LPO: variants seen among roughly 807,000 people sequenced by gnomAD.
LPO encodes the protein lactoperoxidase.
LPO carries 70 observed loss-of-function variants against 68.4 expected under a neutral mutation model. The ratio of observed to expected loss-of-function variants is 1.02; its 90% CI spans 0.84 to 1.25. The LOEUF (loss-of-function observed/expected upper bound fraction) is 1.25, where lower values mean the gene tolerates loss of function less well. Among genes scored for constraint, LPO ranks in the 50% most tolerant of loss-of-function variants. The pLI is 0.00. For missense variants in LPO, 873 were observed against 908.4 expected (o/e 0.96, Z 0.50); for synonymous variants, 360 against 357.6 (o/e 1.01, Z -0.08).
intron 5 of LPO, 119 bp downstream of exon 5, chr17:58,249,296 C>T (rs1969911280): frequency 6.2e-6 from 6 of 963,946 alleles, no homozygotes; most frequent in Non-Finnish European, 9.2e-6. Context: ...CCTGGGCTGG[C>T]GTTCCCACCT....
intron 11 of LPO, among the ~76,000 whole-genome samples, chr17:58,266,602 A>T (rs1356663850): frequency 6.6e-6 from 1 of 152,052 alleles, no homozygotes; most frequent in Non-Finnish European, 1.5e-5. Flanking sequence ...GTGGGACTAC[A>T]GGTGTGCCAC....
At chr17:58,239,950 G>A (rs1969723194) in intron 1 of LPO, among the ~76,000 whole-genome samples, 1 of 152,148 alleles carries the variant, frequency 6.6e-6, no homozygotes, top group South Asian at 2.1e-4. Context: ...CATTCAGCAT[G>A]CACCCAACAC....
intron 1 of LPO, among the ~76,000 whole-genome samples, chr17:58,241,742 C>T (rs1005752891): frequency 1.3e-5 from 2 of 151,992 alleles, no homozygotes; most frequent in Non-Finnish European, 2.9e-5. Context: ...AAAAGTACAA[C>T]AAGATACAAA....
chr17:58,243,300 G>T, intron 2 of LPO: 1 of 482,980 alleles, frequency 2.1e-6, no homozygotes, highest in South Asian at 2.4e-5. Flanking sequence ...TCCAATCTCT[G>T]CCTCAGTCTT....
intron 6 of LPO, among the ~76,000 whole-genome samples, chr17:58,249,917 G>A (rs1969926740): frequency 6.6e-6 from 1 of 152,318 alleles, no homozygotes; most frequent in East Asian, 1.9e-4. Flanking sequence ...CAGATACCCT[G>A]GGGTCTCCCG....
At chr17:58,265,787 G>A (rs1970252189) in intron 10 of LPO, among the ~76,000 whole-genome samples, 1 of 151,652 alleles carries the variant, frequency 6.6e-6, no homozygotes, top group South Asian at 2.1e-4. Flanking sequence ...GTTTTGCCAT[G>A]TTGTCCAGGC....
At chr17:58,247,175 A>G (rs940848543) in intron 3 of LPO, among the ~76,000 whole-genome samples, 1 of 152,336 alleles carries the variant, frequency 6.6e-6, no homozygotes, top group Admixed American at 6.5e-5. Context: ...AGCAGTGTCC[A>G]AGATAACTTT....
rs1970234375 is a variant in LPO, at chr17:58,264,927, T to TC, written c.1477dup (p.Leu493ProfsTer18). 1 of 1,613,870 alleles carries TC rather than the reference T, an allele frequency of 6.2e-7. No homozygotes were observed. Among genetic ancestry groups the TC allele is most frequent in the Non-Finnish European group, 8.5e-7 (1 of 1,180,002 alleles). ...CAGCCATGGGGGCCAGAACCAGAAC[T>TC]CCCCCTCCACACCCTCTTCTTCAAC... On this transcript the variant is annotated frameshift_variant, in exon 10 of 13. Transcript: ENST00000262290. LOFTEE classifies it high-confidence loss of function.
chr17:58,257,172 G>A (rs1035085395), intron 9 of LPO, among the ~76,000 whole-genome samples: 1 of 151,450 alleles, frequency 6.6e-6, no homozygotes, highest in African/African-American at 2.4e-5. Context: ...GACCTTAAGC[G>A]GTCCACCCAC....
Position 58,268,104 on chromosome 17 carries a change from G to A in LPO, c.*110G>A. On this transcript the variant is annotated 3_prime_UTR_variant, in exon 13 of 13. Transcript: ENST00000262290. ...ATCCCAGTCCCAGCCCTTCTTTGCA[G>A]CTGGGCCTCTCTATACCCCTGGATG... is the stretch of plus-strand genomic sequence containing the variant. 8.5e-7 allele frequency: 1 copy of A among 1,171,350 alleles called. No homozygotes were observed. The highest frequency in any genetic ancestry group is 1.5e-5 in the African/African-American group (1 of 65,632). The allele number at this position is 1,171,350 out of a possible 1,614,324, so 72.6% of individuals were successfully genotyped here.
chr17:58,243,358 C>A (rs1969793972), intron 2 of LPO: 1 of 347,268 alleles, frequency 2.9e-6, no homozygotes, highest in Non-Finnish European at 5.3e-6. Context: ...CATAAAACCA[C>A]CATTTATTGG....
chr17:58,246,996 A>G (rs1035818576), intron 3 of LPO, among the ~76,000 whole-genome samples: 2 of 152,220 alleles, frequency 1.3e-5, no homozygotes, highest in South Asian at 2.1e-4. Context: ...TCAGGAGCCA[A>G]TCCCAGTCAG....
Position 58,244,092 on chromosome 17 carries a change from C to CAG in LPO, c.164+12_164+13insGA. 4.9e-6 allele frequency: 1 copy of CAG among 202,942 alleles called. No homozygotes were observed. The highest frequency in any genetic ancestry group is 8.5e-6 in the Non-Finnish European group (1 of 118,264). 12.6% of individuals were successfully genotyped at this position (202,942 alleles called of 1,614,324 possible). On this transcript the variant is annotated intron_variant, in intron 3 of 12. Transcript: ENST00000262290. ...GGACTCCCGAACCAGGTACGTGAGA[C>CAG]ACACACACACACACACACACACACA...
intron 10 of LPO, among the ~76,000 whole-genome samples, chr17:58,265,206 G>T (rs1258012130): frequency 1.3e-5 from 2 of 152,156 alleles, no homozygotes; most frequent in Non-Finnish European, 2.9e-5. Flanking sequence ...CCCTACAATG[G>T]TTCCTGACAC....
intron 9 of LPO, among the ~76,000 whole-genome samples, chr17:58,262,405 T>C (rs1010495588): frequency 6.6e-6 from 1 of 152,212 alleles, no homozygotes; most frequent in South Asian, 2.1e-4. Context: ...TCTTTGTTTC[T>C]TTGAGACAGA....
chr17:58,253,022 C>CAAAAAAAAAAAAAAAAAAAAAAA (rs765890765), intron 8 of LPO, among the ~76,000 whole-genome samples: 4 of 31,092 alleles, frequency 1.3e-4, no homozygotes, highest in Non-Finnish European at 1.7e-4. Context: ...GACTCCATCT[C>CAAAAAAAAAAAAAAAAAAAAAAA]AAAAAAAAAA....
At chr17:58,244,741 C>A (rs982175229) in intron 3 of LPO, among the ~76,000 whole-genome samples, 2 of 152,180 alleles carry the variant, frequency 1.3e-5, no homozygotes, top group African/African-American at 4.8e-5. Context: ...CTGTGGAATT[C>A]CCGGGCACCC....
At position 58,267,670 on chromosome 17, in the gene LPO, C is replaced by T. The variant is rs910372191; in HGVS notation, c.1931+84C>T. Reference sequence around the variant, plus strand: ...CAAGGTCCTGCGTGAGCGCTGACTCCGGATCTCAGTGTGAGTAGGGCTTTT... The same window carrying T: ...CAAGGTCCTGCGTGAGCGCTGACTCTGGATCTCAGTGTGAGTAGGGCTTTT... On this transcript the variant is annotated intron_variant, in intron 12 of 12. Transcript: ENST00000262290. 6.2e-6 allele frequency: 9 copies of T among 1,463,120 alleles called. No homozygotes were observed. The African/African-American group carries it at 7.0e-5, about 11-fold the overall frequency. 90.6% of individuals were successfully genotyped at this position (1,463,120 alleles called of 1,614,324 possible).
intron 9 of LPO, among the ~76,000 whole-genome samples, chr17:58,259,082 T>A (rs8178369): frequency 0.011 from 1,700 of 152,236 alleles, 33 homozygotes; most frequent in African/African-American, 0.038. Flanking sequence ...AGCTTTTAAT[T>A]TTAATGAAGT....
Sources: allele counts gnomAD v4.1 joint callset (sites outside exome capture counted in the v4.1 genomes callset), GRCh38; gene constraint gnomAD v4.1.1; transcripts MANE v1.5; gene names NCBI Gene and HGNC (gene_info 2026-07-23, HGNC 2026-07-21).